Variants in NEGR1 observed in about 807,000 individuals in gnomAD.
NEGR1 encodes neuronal growth regulator 1.
A neutral mutation model predicts 40.9 loss-of-function variants in NEGR1; 10 were observed. The observed-to-expected ratio is 0.24, with a 90% CI of 0.15 to 0.42. The LOEUF is 0.42. Among genes scored for constraint, NEGR1 ranks in the 10% least tolerant of loss-of-function variants. The pLI is 1.00. For synonymous variants in NEGR1, 185 were observed against 166.8 expected (o/e 1.11, Z -0.84); for missense variants, 352 against 438.9 (o/e 0.80, Z 1.77).
chr1:72,235,599 A>C (rs762117671), intron 1 of NEGR1, among the ~76,000 whole-genome samples: 11 of 152,080 alleles, frequency 7.2e-5, no homozygotes, highest in Non-Finnish European at 1.6e-4. Flanking sequence ...ATCTGGAAGG[A>C]GGAAACATGT....
At position 71,592,610 on chromosome 1, in the gene NEGR1, C is replaced by T. The variant is rs573343427; in HGVS notation, c.940+207G>A. On this transcript the variant is annotated intron_variant, in intron 6 of 6. Transcript: ENST00000357731. ...CTAACATATTTTTTTAAACACATGT[C>T]GACTTCTACAGGGATTATAAAATCC... Among the ~76,000 whole-genome samples, 7 of 152,222 alleles carry T rather than the reference C, an allele frequency of 4.6e-5. No homozygotes were observed. In the South Asian group the frequency reaches 8.3e-4, roughly 18 times the overall value.
At chr1:71,641,666 A>C (rs72677173) in intron 4 of NEGR1, among the ~76,000 whole-genome samples, 3 of 152,118 alleles carry the variant, frequency 2.0e-5, no homozygotes, top group Admixed American at 6.5e-5. Flanking sequence ...GGAATACCAT[A>C]AGCAGAGTGG....
At chr1:71,818,261 A>G (rs1020683972) in intron 2 of NEGR1, among the ~76,000 whole-genome samples, 1 of 152,048 alleles carries the variant, frequency 6.6e-6, no homozygotes. Context: ...ACTATTCACA[A>G]TTGCAAAGAC....
intron 6 of NEGR1, among the ~76,000 whole-genome samples, chr1:71,534,551 G>T (rs1462530946): frequency 6.6e-6 from 1 of 151,698 alleles, no homozygotes; most frequent in South Asian, 2.1e-4. Context: ...ATAATTAATT[G>T]CATAACAAGC....
At chr1:72,151,013 A>T (rs1294626963) in intron 1 of NEGR1, among the ~76,000 whole-genome samples, 2 of 152,028 alleles carry the variant, frequency 1.3e-5, no homozygotes, top group Non-Finnish European at 2.9e-5. Flanking sequence ...CAGAAAGGAA[A>T]AATGAAAAAA....
At chr1:71,898,886 A>G (rs972321168) in intron 2 of NEGR1, among the ~76,000 whole-genome samples, 3 of 136,996 alleles carry the variant, frequency 2.2e-5, no homozygotes, top group South Asian at 2.7e-4. Flanking sequence ...TTGCAAATAT[A>G]TATATATTGC....
At chr1:71,740,793 T>A (rs1025267429) in intron 3 of NEGR1, among the ~76,000 whole-genome samples, 9 of 152,194 alleles carry the variant, frequency 5.9e-5, no homozygotes, top group African/African-American at 1.7e-4. Flanking sequence ...CTGATTAGTC[T>A]ACTTTTACTA....
intron 1 of NEGR1, among the ~76,000 whole-genome samples, chr1:72,192,469 T>G (rs1652852475): frequency 6.6e-6 from 1 of 151,868 alleles, no homozygotes; most frequent in Admixed American, 6.6e-5. Context: ...GGATTTTTTC[T>G]TAAAATTTTA....
intron 1 of NEGR1, among the ~76,000 whole-genome samples, chr1:72,144,134 A>G (rs1650815240): frequency 1.3e-5 from 2 of 151,128 alleles, no homozygotes; most frequent in South Asian, 4.2e-4. Context: ...GAAAACAAGT[A>G]TATCACCAAT....
intron 6 of NEGR1, among the ~76,000 whole-genome samples, chr1:71,553,851 A>G (rs778404259): frequency 1.3e-5 from 2 of 151,690 alleles, no homozygotes; most frequent in East Asian, 2.0e-4. Flanking sequence ...TCATATTATT[A>G]GCACACTTCT....
intron 1 of NEGR1, among the ~76,000 whole-genome samples, chr1:72,209,920 G>C (rs539495640): frequency 1.3e-5 from 2 of 151,704 alleles, no homozygotes; most frequent in Non-Finnish European, 2.9e-5. Context: ...ATTATTTCAG[G>C]ATATTTTCCT....
At chr1:71,776,384 G>A in intron 2 of NEGR1, 87 bp from the exon 3 acceptor site, 1 of 783,266 alleles carries the variant, frequency 1.3e-6, no homozygotes, top group South Asian at 2.5e-5. Context: ...TATCATGCAA[G>A]AAAGGTATGA....
intron 1 of NEGR1, among the ~76,000 whole-genome samples, chr1:72,188,451 T>G (rs1157680509): frequency 6.6e-6 from 1 of 151,514 alleles, no homozygotes; most frequent in Non-Finnish European, 1.5e-5. Context: ...GCTTATTAAT[T>G]GGAAATAATT....
intron 1 of NEGR1, among the ~76,000 whole-genome samples, chr1:72,073,000 A>T (rs1647537972): frequency 6.6e-6 from 1 of 152,156 alleles, no homozygotes; most frequent in Non-Finnish European, 1.5e-5. Flanking sequence ...ACAGACTTCA[A>T]GATAGAGATT....
chr1:71,867,658 C>T (rs182683966), intron 2 of NEGR1, among the ~76,000 whole-genome samples: 1 of 152,142 alleles, frequency 6.6e-6, no homozygotes, highest in Admixed American at 6.5e-5. Flanking sequence ...AAATCATATA[C>T]AAAATTTTAA....
At chr1:71,835,901 T>G (rs556715380) in intron 2 of NEGR1, among the ~76,000 whole-genome samples, 1 of 152,126 alleles carries the variant, frequency 6.6e-6, no homozygotes, top group Non-Finnish European at 1.5e-5. Flanking sequence ...TATATATGTA[T>G]ATATGCCTAG....
chr1:71,973,850 T>C (rs1646279272), intron 1 of NEGR1, among the ~76,000 whole-genome samples: 1 of 152,228 alleles, frequency 6.6e-6, no homozygotes, highest in Admixed American at 6.5e-5. Flanking sequence ...GCTTCTTGTG[T>C]CTGCACTGTT....
Position 71,398,527 on chromosome 1 carries a change from A to G in NEGR1, c.*8919T>C, listed in dbSNP as rs1358100246. ...CCACTTGGAATGGCTATGCTTACCC[A>G]ATGCCTGTACTTCCATTGCATCTAG... On this transcript the variant is annotated 3_prime_UTR_variant, in exon 7 of 7. Transcript: ENST00000357731. 6.6e-6 allele frequency: 1 copy of G among 152,208 alleles called. No homozygotes were observed. Among genetic ancestry groups the G allele is most frequent in the Non-Finnish European group, 1.5e-5 (1 of 68,082 alleles). 9.4% of individuals were successfully genotyped at this position (152,208 alleles called of 1,614,324 possible). A position where few individuals can be genotyped will look rare whatever the true frequency, so the allele number is the denominator to read the frequency against.
intron 1 of NEGR1, among the ~76,000 whole-genome samples, chr1:72,196,220 A>G (rs933025694): frequency 6.6e-6 from 1 of 152,062 alleles, no homozygotes. Flanking sequence ...GAAAATGCTC[A>G]CTGGAACATT....
Sources: allele counts gnomAD v4.1 joint callset (sites outside exome capture counted in the v4.1 genomes callset), GRCh38; gene constraint gnomAD v4.1.1; transcripts MANE v1.5; gene names NCBI Gene and HGNC (gene_info 2026-07-23, HGNC 2026-07-21).